PPFIA2: variants seen among roughly 807,000 people sequenced by gnomAD.
PPFIA2 encodes the protein PPFI scaffold protein A2.
Under a neutral mutation model 175.5 loss-of-function variants are expected in PPFIA2, and 46 were observed. The ratio of observed to expected loss-of-function variants is 0.26; its 90% CI spans 0.21 to 0.34. The LOEUF (loss-of-function observed/expected upper bound fraction) is 0.34, where lower values mean the gene tolerates loss of function less well. Ranked by LOEUF, PPFIA2 falls within the 10% of genes least tolerant of loss-of-function variation. The probability of loss-of-function intolerance (pLI) is 1.00; values close to 1 mark genes in which losing one functional copy is unlikely to be tolerated. For synonymous variants in PPFIA2, 568 were observed against 511.4 expected, an observed-to-expected ratio of 1.11 and a Z score of -1.49; for missense variants, 1,179 against 1,506.1, an observed-to-expected ratio of 0.78 and a Z score of 3.60.
At chr12:81,296,901 A>G (rs2046593100) in intron 23 of PPFIA2, 1 of 151,870 alleles carries the variant, frequency 6.6e-6, no homozygotes, top group African/African-American at 2.4e-5. Flanking sequence ...TGGGGGTAGG[A>G]TTGGCCCAGT....
chr12:81,312,276 G>T, intron 22 of PPFIA2: 1 of 1,102,822 alleles, frequency 9.1e-7, no homozygotes, highest in South Asian at 1.4e-5. Flanking sequence ...CATTATTTAA[G>T]ATGTGAGAAA....
At chr12:81,632,662 A>T (rs1029169256) in intron 4 of PPFIA2, among the ~76,000 whole-genome samples, 1 of 152,084 alleles carries the variant, frequency 6.6e-6, no homozygotes, top group Non-Finnish European at 1.5e-5. Flanking sequence ...CCTGGTAGGA[A>T]TTACACAATA....
intron 4 of PPFIA2, among the ~76,000 whole-genome samples, chr12:81,517,330 G>A (rs933441354): frequency 6.6e-6 from 1 of 152,052 alleles, no homozygotes; most frequent in South Asian, 2.1e-4. Context: ...CCAAAGTTAG[G>A]AAGTCACCAG....
chr12:81,384,318 A>T, intron 8 of PPFIA2, 74 bp from the exon 9 acceptor site: 1 of 1,062,668 alleles, frequency 9.4e-7, no homozygotes, highest in Non-Finnish European at 1.3e-6. Context: ...AACTTAAAGA[A>T]ATTAAACTGA....
intron 30 of PPFIA2, among the ~76,000 whole-genome samples, chr12:81,263,783 TCA>T (rs1482935955): frequency 6.6e-6 from 1 of 152,196 alleles, no homozygotes; most frequent in Non-Finnish European, 1.5e-5. Flanking sequence ...TACATTTAAC[TCA>T]CACACTTGAA....
intron 4 of PPFIA2, among the ~76,000 whole-genome samples, chr12:81,464,867 T>C (rs1353694001): frequency 7.8e-6 from 1 of 127,502 alleles, no homozygotes; most frequent in Non-Finnish European, 1.6e-5. Context: ...TATTTAGTAA[T>C]AAACATAATA....
At chr12:81,420,679 C>A (rs985996474) in intron 7 of PPFIA2, among the ~76,000 whole-genome samples, 2 of 151,484 alleles carry the variant, frequency 1.3e-5, no homozygotes, top group Non-Finnish European at 2.9e-5. Context: ...GGAACACCAT[C>A]AAGTGGGCCA....
chr12:81,341,060 G>A lies in PPFIA2; in HGVS notation c.2393+18C>T, dbSNP rs778337513. ...GGAAGGAGGGCATTCAGTGTGCAGT[G>A]TGCCTGCAGAGTCTTACCTTCGAGC... On this transcript the variant is annotated intron_variant, in intron 20 of 32. Transcript: ENST00000549396. The A allele has an allele frequency of 6.2e-7, 1 of 1,600,580 alleles. No individual in the cohort carries two copies. The highest frequency in any genetic ancestry group is 1.1e-5 in the South Asian group (1 of 90,402).
In PPFIA2 at chr12:81,339,332, C is replaced by T. The variant is rs1212668328; in HGVS notation, c.2396G>A (p.Ser799Asn). The part of the protein sequence containing the change: ...PSSYHNDARS[S>N]LSVSLEPESL... The stretch of plus-strand genomic sequence containing the variant: ...TTCTGGCTCAAGAGAGACAGATAAA[C>T]TACTGCAAAACACAAAAGAGGAAAA... The change falls in exon 21 of 33, where the codon AGT (serine) becomes AAT (asparagine). Residue 799 changes from serine (S) to asparagine (N), a missense_variant and splice_region_variant. Around this residue, in one of 10 missense-constraint regions of PPFIA2, gnomAD observed 223 missense variants for 241.6 expected, o/e 0.92. Coordinates refer to ENST00000549396, the MANE Select transcript of PPFIA2 (RefSeq NM_003625.5). 2 of 1,572,108 alleles carry T rather than the reference C, an allele frequency of 1.3e-6. No homozygotes were observed. Among genetic ancestry groups the T allele is most frequent in the Non-Finnish European group, 8.6e-7 (1 of 1,162,028 alleles).
chr12:81,571,162 TC>T (rs1049078630), intron 4 of PPFIA2, among the ~76,000 whole-genome samples: 2 of 152,094 alleles, frequency 1.3e-5, no homozygotes, highest in African/African-American at 4.8e-5. Flanking sequence ...GGAGAATGAT[TC>T]CAGGATTGAA....
At position 81,379,155 on chromosome 12, in the gene PPFIA2, A is replaced by G. The variant is rs189515493; in HGVS notation, c.985-3213T>C. 2.6e-3 allele frequency among the ~76,000 whole-genome samples: 401 copies of G among 152,296 alleles called. 1 individual carries two copies. Among genetic ancestry groups the G allele is most frequent in the African/African-American group, 8.9e-3 (371 of 41,578 alleles). ...TTAACTGCAGGCTGTGTTGCCAAAA[A>G]TAAACTGGATTTACAAGTCAGAGAA... On this transcript the variant is annotated intron_variant, in intron 9 of 32. Transcript: ENST00000549396.
intron 3 of PPFIA2, among the ~76,000 whole-genome samples, chr12:81,702,911 G>A (rs2076666692): frequency 6.6e-6 from 1 of 152,090 alleles, no homozygotes; most frequent in Admixed American, 6.6e-5. Context: ...GCAACTATCT[G>A]CAAGCCAGAA....
At chr12:81,694,348 C>T (rs1404305272) in intron 3 of PPFIA2, among the ~76,000 whole-genome samples, 1 of 152,088 alleles carries the variant, frequency 6.6e-6, no homozygotes, top group African/African-American at 2.4e-5. Context: ...GACCTGGGGC[C>T]ACCACTGTCC....
chr12:81,532,683 T>A (rs888884212), intron 4 of PPFIA2, among the ~76,000 whole-genome samples: 3 of 151,840 alleles, frequency 2.0e-5, no homozygotes, highest in Non-Finnish European at 4.4e-5. Flanking sequence ...TTACAATCTA[T>A]CCCATTTGCA....
At chr12:81,601,666 A>G (rs887536460) in intron 4 of PPFIA2, among the ~76,000 whole-genome samples, 3 of 151,888 alleles carry the variant, frequency 2.0e-5, no homozygotes, top group Non-Finnish European at 2.9e-5. Context: ...GGAACTGAAC[A>G]GTCTTGGAGC....
At chr12:81,313,841 T>C (rs1488435297) in intron 22 of PPFIA2, among the ~76,000 whole-genome samples, 2 of 152,060 alleles carry the variant, frequency 1.3e-5, no homozygotes, top group Non-Finnish European at 2.9e-5. Context: ...AATTTGCACG[T>C]AGTGAAACCT....
At chr12:81,323,393 G>A (rs911251966) in intron 22 of PPFIA2, among the ~76,000 whole-genome samples, 2 of 151,974 alleles carry the variant, frequency 1.3e-5, no homozygotes, top group African/African-American at 2.4e-5. Flanking sequence ...GTGTACGTAC[G>A]ATCTGTAGTG....
At chr12:81,635,739 A>T (rs952843702) in intron 4 of PPFIA2, among the ~76,000 whole-genome samples, 5 of 152,202 alleles carry the variant, frequency 3.3e-5, no homozygotes. Flanking sequence ...ACAGAAAAAA[A>T]AGCCAAGTGG....
chr12:81,296,031 C>T (rs1399749858), intron 23 of PPFIA2, among the ~76,000 whole-genome samples: 5 of 151,710 alleles, frequency 3.3e-5, no homozygotes, highest in Non-Finnish European at 5.9e-5. Context: ...TGAGGCCAGG[C>T]GCGGTGGCTC....
Sources: gnomAD v4.1 joint callset for allele counts (sites outside exome capture counted in the v4.1 genomes callset) on GRCh38, gnomAD v4.1.1 for gene constraint, gnomAD v4.1.1 regional missense constraint, MANE v1.5 for transcripts, NCBI Gene and HGNC (gene_info 2026-07-23, HGNC 2026-07-21) for gene names.